The following HCN4 variants were observed in gnomAD, a reference collection of about 807,000 sequenced individuals.
HCN4 encodes hyperpolarization activated cyclic nucleotide gated potassium channel 4, also known as potassium/sodium hyperpolarization-activated cyclic nucleotide-gated channel 4.
A neutral mutation model predicts 76.9 loss-of-function variants in HCN4; 29 were observed. The ratio of observed to expected loss-of-function variants is 0.38; its 90% CI spans 0.28 to 0.51. The LOEUF (loss-of-function observed/expected upper bound fraction) is 0.51, where lower values mean the gene tolerates loss of function less well. Among genes scored for constraint, HCN4 ranks in the 20% least tolerant of loss-of-function variants. The probability of loss-of-function intolerance (pLI) is 0.90; values close to 1 mark genes in which losing one functional copy is unlikely to be tolerated. For synonymous variants in HCN4, 772 were observed against 762.5 expected (o/e 1.01, Z -0.21); for missense variants, 1,416 against 1,715.2 (o/e 0.83, Z 3.08).
At chr15:73,352,929 T>C (rs1567792371) in intron 1 of HCN4, among the ~76,000 whole-genome samples, 1 of 152,090 alleles carries the variant, frequency 6.6e-6, no homozygotes, top group Non-Finnish European at 1.5e-5. Flanking sequence ...TTTTCCAAGA[T>C]GGGAACACAC....
At chr15:73,352,501 G>A (rs2043059239) in intron 1 of HCN4, among the ~76,000 whole-genome samples, 1 of 152,210 alleles carries the variant, frequency 6.6e-6, no homozygotes, top group Admixed American at 6.5e-5. Flanking sequence ...GGAGAAGGCA[G>A]GTGAACAGAC....
chr15:73,359,685 C>T (rs1457619233), intron 1 of HCN4, among the ~76,000 whole-genome samples: 1 of 152,166 alleles, frequency 6.6e-6, no homozygotes, highest in Non-Finnish European at 1.5e-5. Flanking sequence ...ATCCTGGTTA[C>T]ACACTGAGCC....
rs374399086 is a variant in HCN4, at chr15:73,358,744, G to A, written c.785+8742C>T. ...CTGCCAACACCCACCCCAGCCAGGC[G>A]GCCCTTAGCTTAAGCTTCCAAGAAA... is the stretch of plus-strand genomic sequence containing the variant. On this transcript the variant is annotated intron_variant, in intron 1 of 7. Transcript: ENST00000261917. 3.9e-5 allele frequency among the ~76,000 whole-genome samples: 6 copies of A among 152,262 alleles called. No individual in the cohort carries two copies. In the South Asian group the frequency reaches 6.2e-4, roughly 16 times the overall value.
Position 73,324,980 on chromosome 15 carries a change from C to T in HCN4, c.1953G>A (p.Lys651=), listed in dbSNP as rs2042889888. 3 of 1,614,062 alleles carry T rather than the reference C, an allele frequency of 1.9e-6. No individual in the cohort carries two copies. The highest frequency in any genetic ancestry group is 2.5e-6 in the Non-Finnish European group (3 of 1,180,030). The change falls in exon 6 of 8, where the codon AAG becomes AAA. Residue 651 remains lysine, a synonymous_variant. Transcript: ENST00000261917. ...CTCCAAAGTAGGAGCCGTCGGCCAG[C>T]TTGGTCTCCTTGTTGCCCTTGGTGA... The part of the protein sequence containing the change: ...SVLTKGNKET[K]LADGSYFGEI...
intron 1 of HCN4, among the ~76,000 whole-genome samples, chr15:73,361,466 C>T (rs190822505): frequency 1.2e-4 from 19 of 152,324 alleles, no homozygotes; most frequent in East Asian, 1.9e-4. Flanking sequence ...ATCCCCTGGG[C>T]GAAAGCAAGA....
intron 4 of HCN4, among the ~76,000 whole-genome samples, chr15:73,326,090 C>T (rs189866825): frequency 6.6e-6 from 1 of 152,104 alleles, no homozygotes; most frequent in East Asian, 1.9e-4. Flanking sequence ...GGGGCTCAAA[C>T]AAATAAGAAA....
chr15:73,331,076 A>C (rs534157), intron 3 of HCN4, among the ~76,000 whole-genome samples: 148,751 of 152,256 alleles, frequency 0.98, 72,749 homozygotes, highest in East Asian at 1. Context: ...TGCCTTCAGA[A>C]CAAACCAAAC....
At position 73,322,681 on chromosome 15, in the gene HCN4, G is replaced by C. The variant is rs915209025; in HGVS notation, c.3412C>G (p.Pro1138Ala). 11 of 1,593,784 alleles carry C rather than the reference G, an allele frequency of 6.9e-6. No individual in the cohort carries two copies. Among genetic ancestry groups the C allele is most frequent in the Admixed American group, 3.5e-5 (2 of 57,126 alleles). Reference sequence around the variant, plus strand: ...GGGATGGCACCATAGGGCCTCCCAGGGGGACCGAGGCCCCCGCTGCTCCCA... The same window carrying C: ...GGGATGGCACCATAGGGCCTCCCAGCGGGACCGAGGCCCCCGCTGCTCCCA... Reference protein sequence around the residue: ...GSGSSGGLGPPGRPYGAIPGQ... With the variant: ...GSGSSGGLGPAGRPYGAIPGQ... Residue 1138 changes from proline to alanine, a missense_variant, in exon 8 of 8, where the codon CCT becomes GCT. Pro to Ala is a conservative substitution (Grantham distance 27). Transcript: ENST00000261917.
At chr15:73,340,691 C>T (rs185799890) in intron 2 of HCN4, among the ~76,000 whole-genome samples, 126 of 152,350 alleles carry the variant, frequency 8.3e-4, no homozygotes, top group African/African-American at 2.9e-3. Flanking sequence ...CCTCCCCTGC[C>T]ACTGCCCTCC....
intron 2 of HCN4, among the ~76,000 whole-genome samples, chr15:73,338,554 T>C (rs1050106981): frequency 6.6e-6 from 1 of 152,194 alleles, no homozygotes; most frequent in Admixed American, 6.5e-5. Context: ...CACTAGCACA[T>C]GGTAGGCACT....
chr15:73,323,131 T>A lies in HCN4; in HGVS notation c.2962A>T (p.Thr988Ser). The change falls in exon 8 of 8, where the codon ACT becomes TCT. Residue 988 changes from threonine to serine, a missense_variant. Around this residue, in one of 6 missense-constraint regions of HCN4, gnomAD observed 633 missense variants for 579.8 expected, o/e 1.09. Transcript: ENST00000261917. ...PPGELSLGLA[T>S]GPLSTPETPP... Reference sequence around the variant, plus strand: ...GTCTCTGGCGTGCTCAGTGGGCCAGTGGCCAGACCTAGGGACAACTCCCCG... The same window carrying A: ...GTCTCTGGCGTGCTCAGTGGGCCAGAGGCCAGACCTAGGGACAACTCCCCG... The A allele has an allele frequency of 6.3e-7, 1 of 1,591,336 alleles. No individual in the cohort carries two copies. Among genetic ancestry groups the A allele is most frequent in the Admixed American group, 1.8e-5 (1 of 56,784 alleles).
chr15:73,356,522 ACTT>A (rs1408817409), intron 1 of HCN4, among the ~76,000 whole-genome samples: 2 of 151,552 alleles, frequency 1.3e-5, no homozygotes, highest in African/African-American at 4.8e-5. Context: ...CCGGGGCAGA[ACTT>A]CTTAAGGCAG....
At position 73,319,927 on chromosome 15, in the gene HCN4, G is replaced by A. The variant is rs796621589; in HGVS notation, c.*2554C>T. Reference sequence around the variant, plus strand: ...ATTTACCGGTTTCTGTTTTAAAAGTGGATTTGAAAATTCCTTGTAGGTGAC... The same window carrying A: ...ATTTACCGGTTTCTGTTTTAAAAGTAGATTTGAAAATTCCTTGTAGGTGAC... On this transcript the variant is annotated 3_prime_UTR_variant, in exon 8 of 8. Transcript: ENST00000261917. 5.3e-5 allele frequency: 8 copies of A among 152,268 alleles called. No homozygotes were observed. The highest frequency in any genetic ancestry group is 1.9e-4 in the African/African-American group (8 of 41,526). 9.4% of individuals were successfully genotyped at this position (152,268 alleles called of 1,614,324 possible). A position where few individuals can be genotyped will look rare whatever the true frequency, so the allele number is the denominator to read the frequency against.
intron 1 of HCN4, among the ~76,000 whole-genome samples, chr15:73,353,494 G>A (rs756368727): frequency 3.9e-5 from 6 of 152,268 alleles, no homozygotes; most frequent in African/African-American, 1.2e-4. Flanking sequence ...AACATCACAC[G>A]CATGTCAGTC....
chr15:73,326,785 A>ATTTTTTT (rs200715507), intron 4 of HCN4, among the ~76,000 whole-genome samples: 5 of 148,302 alleles, frequency 3.4e-5, no homozygotes, highest in South Asian at 2.2e-4. Context: ...TTATTTATTT[A>ATTTTTTT]TTTATTTATT....
At chr15:73,339,658 A>G (rs1007941086) in intron 2 of HCN4, among the ~76,000 whole-genome samples, 5 of 152,228 alleles carry the variant, frequency 3.3e-5, no homozygotes, top group African/African-American at 1.2e-4. Context: ...AAAGGAGGAA[A>G]GAGACTCATA....
intron 3 of HCN4, 137 bp from the exon 4 acceptor site, chr15:73,329,928 G>T: frequency 1.4e-6 from 1 of 705,584 alleles, no homozygotes; most frequent in Non-Finnish European, 2.4e-6. Flanking sequence ...CCTTGCTGTT[G>T]GCTGAAAGCC....
Position 73,368,611 on chromosome 15 carries a change from G to A in HCN4, c.-341C>T, listed in dbSNP as rs1595837938. 1 of 173,016 alleles carries A rather than the reference G, an allele frequency of 5.8e-6. No homozygotes were observed. The highest frequency in any genetic ancestry group is 1.2e-5 in the Non-Finnish European group (1 of 82,250). 10.7% of individuals were successfully genotyped at this position (173,016 alleles called of 1,614,324 possible). A position where few individuals can be genotyped will look rare whatever the true frequency, so the allele number is the denominator to read the frequency against. Reference sequence around the variant, plus strand: ...GCCCCCGCGGGGAACAATGGGCGCCGGCCGGAGAGGCTCTGCGGCCGCGGC... The same window carrying A: ...GCCCCCGCGGGGAACAATGGGCGCCAGCCGGAGAGGCTCTGCGGCCGCGGC... On this transcript the variant is annotated 5_prime_UTR_variant, in exon 1 of 8. Coordinates refer to ENST00000261917, the MANE Select transcript of HCN4 (RefSeq NM_005477.3). The surrounding 1 kb of genome is among the most constrained non-coding windows in gnomAD (Gnocchi z 6.9).
At chr15:73,345,187 G>A (rs1341014552) in intron 1 of HCN4, among the ~76,000 whole-genome samples, 2 of 152,198 alleles carry the variant, frequency 1.3e-5, no homozygotes, top group Non-Finnish European at 2.9e-5. Flanking sequence ...ATAGCAAATT[G>A]TTTGTTTGTT....
Sources: allele counts gnomAD v4.1 joint callset (sites outside exome capture counted in the v4.1 genomes callset), GRCh38; gene constraint gnomAD v4.1.1; regional missense constraint gnomAD v4.1.1; non-coding constraint Gnocchi (gnomAD v3.1); transcripts MANE v1.5; gene names NCBI Gene and HGNC (gene_info 2026-07-23, HGNC 2026-07-21).